The following UBE2V2 variants were observed in gnomAD, a reference collection of about 807,000 sequenced individuals.
UBE2V2 encodes the protein ubiquitin-conjugating enzyme E2 variant 2.
UBE2V2 carries 9 observed loss-of-function variants against 17.2 expected under a neutral mutation model. The observed-to-expected ratio is 0.52, with a 90% CI of 0.32 to 0.91. UBE2V2 has a LOEUF of 0.91. Among genes scored for constraint, UBE2V2 ranks in the 40% least tolerant of loss-of-function variants. The probability of loss-of-function intolerance (pLI) is 0.04; values close to 1 mark genes in which losing one functional copy is unlikely to be tolerated. For missense variants in UBE2V2, 133 were observed against 182.6 expected, an observed-to-expected ratio of 0.73 and a Z score of 1.56; for synonymous variants, 61 against 57.5, an observed-to-expected ratio of 1.06 and a Z score of -0.28.
chr8:48,056,449 G>A (rs1449357753), intron 3 of UBE2V2, among the ~76,000 whole-genome samples: 1 of 152,064 alleles, frequency 6.6e-6, no homozygotes, highest in Non-Finnish European at 1.5e-5. Context: ...AAGTGAATAG[G>A]CCATCTTACA....
At chr8:48,023,941 G>T (rs1273340960) in intron 1 of UBE2V2, among the ~76,000 whole-genome samples, 4 of 152,060 alleles carry the variant, frequency 2.6e-5, no homozygotes, top group Non-Finnish European at 4.4e-5. Flanking sequence ...TTTTTCAAAG[G>T]CTCTTTTTCA....
At chr8:48,027,596 C>T (rs916100640) in intron 1 of UBE2V2, among the ~76,000 whole-genome samples, 1 of 152,136 alleles carries the variant, frequency 6.6e-6, no homozygotes, top group African/African-American at 2.4e-5. Context: ...ACCTCCTATA[C>T]CCAAGTGATT....
intron 1 of UBE2V2, among the ~76,000 whole-genome samples, chr8:48,031,583 T>G (rs988497954): frequency 8.5e-5 from 13 of 152,234 alleles, no homozygotes; most frequent in African/African-American, 3.1e-4. Flanking sequence ...GCAAATCCTC[T>G]AATCCAGAGG....
chr8:48,054,929 CT>C (rs202206861), intron 3 of UBE2V2, among the ~76,000 whole-genome samples: 32 of 144,424 alleles, frequency 2.2e-4, no homozygotes, highest in African/African-American at 2.0e-4. Flanking sequence ...TCCAATGTTT[CT>C]TTTTTTTTTT....
intron 1 of UBE2V2, 193 bp downstream of exon 1, chr8:48,008,663 G>A: frequency 1.4e-6 from 1 of 703,526 alleles, no homozygotes; most frequent in Non-Finnish European, 1.9e-6. Context: ...CGGGTTGGCG[G>A]GTCGTGCTCG....
intron 1 of UBE2V2, among the ~76,000 whole-genome samples, chr8:48,025,577 C>G (rs893365786): frequency 6.8e-6 from 1 of 146,876 alleles, no homozygotes; most frequent in Non-Finnish European, 1.5e-5. Context: ...CGTGCCTGGC[C>G]TAAATCTGGA....
chr8:48,057,308 A>G (rs1421404251), intron 3 of UBE2V2, among the ~76,000 whole-genome samples: 1 of 151,722 alleles, frequency 6.6e-6, no homozygotes, highest in Non-Finnish European at 1.5e-5. Context: ...ATTTTTATTT[A>G]TTTATTTTTT....
intron 1 of UBE2V2, among the ~76,000 whole-genome samples, chr8:48,025,719 C>G (rs1383492758): frequency 6.6e-6 from 1 of 151,966 alleles, no homozygotes; most frequent in Non-Finnish European, 1.5e-5. Flanking sequence ...CTTGCCTCAG[C>G]CTTCCGAGTA....
Position 48,041,013 on chromosome 8 carries a change from C to T in UBE2V2, c.17-2020C>T, listed in dbSNP as rs537347767. On this transcript the variant is annotated intron_variant, in intron 1 of 3. Coordinates refer to ENST00000523111, the MANE Select transcript of UBE2V2 (RefSeq NM_003350.3). ...CCGAGTAGCTGGGACTACAGGCGCC[C>T]GCCACCACGCCTGGCTAATTTTTTG... is the stretch of plus-strand genomic sequence containing the variant. Among the ~76,000 whole-genome samples, 496 of 149,974 alleles carry T rather than the reference C, an allele frequency of 3.3e-3. 4 individuals are homozygous for T. Among genetic ancestry groups the T allele is most frequent in the African/African-American group, 0.011 (470 of 40,880 alleles).
At chr8:48,012,106 C>T (rs917796080) in intron 1 of UBE2V2, among the ~76,000 whole-genome samples, 19 of 152,158 alleles carry the variant, frequency 1.2e-4, no homozygotes, top group East Asian at 7.7e-4. Context: ...TAGTCTGATG[C>T]GCTCTCCATT....
the UBE2V2 span, among the ~76,000 whole-genome samples, chr8:48,002,882 G>A: frequency 2.0e-5 from 3 of 152,026 alleles, no homozygotes; most frequent in Non-Finnish European, 2.9e-5. Context: ...ATTCCGTAAT[G>A]TATACGTATT....
chr8:48,013,334 G>C (rs975205823), intron 1 of UBE2V2, among the ~76,000 whole-genome samples: 1 of 145,344 alleles, frequency 6.9e-6, no homozygotes, highest in Non-Finnish European at 1.5e-5. Context: ...TTGAGATGAA[G>C]TCTCGCTCTG....
chr8:48,044,020 T>G (rs2091482212), intron 2 of UBE2V2, among the ~76,000 whole-genome samples: 1 of 152,100 alleles, frequency 6.6e-6, no homozygotes, highest in African/African-American at 2.4e-5. Context: ...CTAATGTTTT[T>G]GGCTTGTTGG....
chr8:48,023,805 G>A (rs2091321390), intron 1 of UBE2V2, among the ~76,000 whole-genome samples: 1 of 152,090 alleles, frequency 6.6e-6, no homozygotes, highest in African/African-American at 2.4e-5. Context: ...GAACCCAGGA[G>A]GCAGAGGTTG....
chr8:48,001,567 C>G, the UBE2V2 span, among the ~76,000 whole-genome samples: 1 of 152,012 alleles, frequency 6.6e-6, no homozygotes, highest in East Asian at 1.9e-4. Context: ...CCACTGCACT[C>G]CAGGCTGGGC....
chr8:48,000,790 C>G, the UBE2V2 span, among the ~76,000 whole-genome samples: 44 of 143,072 alleles, frequency 3.1e-4, no homozygotes, highest in Non-Finnish European at 5.8e-4. Context: ...TCACTGCACT[C>G]CAGCCTGGGC....
Position 48,063,214 on chromosome 8 carries a change from TTG to T in UBE2V2, c.*2389_*2390del, listed in dbSNP as rs1232516125. On this transcript the variant is annotated 3_prime_UTR_variant, in exon 4 of 4. Transcript: ENST00000523111. ...CTATAATGTTCATTTCCCCTCTTGT[TTG>T]TGGGATTATGGATCTCTGCAGAAAT... 6.6e-6 allele frequency: 1 copy of T among 152,230 alleles called. No individual in the cohort carries two copies. The highest frequency in any genetic ancestry group is 1.9e-4 in the East Asian group (1 of 5,198). 9.4% of individuals were successfully genotyped at this position (152,230 alleles called of 1,614,324 possible).
intron 2 of UBE2V2, among the ~76,000 whole-genome samples, chr8:48,046,942 C>CTT (rs771280050): frequency 5.0e-5 from 7 of 139,790 alleles, no homozygotes; most frequent in Non-Finnish European, 9.4e-5. Flanking sequence ...TAAGGTCCCT[C>CTT]TTTTTTTTTT....
intron 1 of UBE2V2, among the ~76,000 whole-genome samples, chr8:48,037,583 T>TAG (rs1233775570): frequency 6.6e-6 from 1 of 152,204 alleles, no homozygotes. Flanking sequence ...TCCTCCTTCT[T>TAG]ACGCTTCTCC....
Sources: allele counts gnomAD v4.1 joint callset (sites outside exome capture counted in the v4.1 genomes callset), GRCh38; gene constraint gnomAD v4.1.1; transcripts MANE v1.5; gene names NCBI Gene and HGNC (gene_info 2026-07-23, HGNC 2026-07-21).